PKHD1: variants seen among roughly 807,000 people sequenced by gnomAD.
PKHD1 encodes PKHD1 ciliary IPT domain containing fibrocystin/polyductin, also known as fibrocystin.
A neutral mutation model predicts 412.0 loss-of-function variants in PKHD1; 291 were observed. That is an observed-to-expected ratio of 0.71 (90% confidence interval 0.64 to 0.78). The LOEUF (loss-of-function observed/expected upper bound fraction) is 0.78, where lower values mean the gene tolerates loss of function less well. Ranked by LOEUF, PKHD1 falls within the 30% of genes least tolerant of loss-of-function variation. The probability of loss-of-function intolerance (pLI) is 0.00; values close to 1 mark genes in which losing one functional copy is unlikely to be tolerated. For missense variants in PKHD1, 4,825 were observed against 4,950.7 expected (o/e 0.97, Z 0.76); for synonymous variants, 1,777 against 1,821.5 (o/e 0.98, Z 0.62).
At chr6:52,041,104 T>C (rs1048744514) in intron 27 of PKHD1, among the ~76,000 whole-genome samples, 2 of 152,228 alleles carry the variant, frequency 1.3e-5, no homozygotes, top group Non-Finnish European at 2.9e-5. Context: ...GAAGAAAGTA[T>C]GTAAAGCAAA....
chr6:52,069,424 AGGGAAGGGGTACTT>A lies in PKHD1; in HGVS notation c.778+19_778+32del, dbSNP rs1359897589. 1.3e-6 allele frequency: 2 copies of A among 1,505,920 alleles called. No homozygotes were observed. Among genetic ancestry groups the A allele is most frequent in the Non-Finnish European group, 1.8e-6 (2 of 1,081,322 alleles). 93.3% of individuals were successfully genotyped at this position (1,505,920 alleles called of 1,614,324 possible). ...AGGGGCCAACATTGAGTGAGGCACA[AGGGAAGGGGTACTT>A]GGTGAAGGGGGATAGTACCTGAGTG... is the stretch of plus-strand genomic sequence containing the variant. On this transcript the variant is annotated intron_variant, in intron 11 of 66. Coordinates refer to ENST00000371117, the MANE Select transcript of PKHD1 (RefSeq NM_138694.4).
chr6:51,661,268 T>C (rs1325759940), intron 60 of PKHD1, among the ~76,000 whole-genome samples: 1 of 152,010 alleles, frequency 6.6e-6, no homozygotes, highest in African/African-American at 2.4e-5. Context: ...TAGATATAGA[T>C]ATATAGATAT....
In PKHD1 at chr6:51,976,944, T is replaced by TAAAAAAAAAAAAAAAAAAAA. The variant is rs10671492; in HGVS notation, c.5752-16938_5752-16919dup. ...GCCTGGGTGATAGAGTGAGACTCCA[T>TAAAAAAAAAAAAAAAAAAAA]AAAAAAAAAAAAAAAAAAAACCTGA... On this transcript the variant is annotated intron_variant, in intron 35 of 66. Transcript: ENST00000371117. 7.7e-4 allele frequency among the ~76,000 whole-genome samples: 72 copies of TAAAAAAAAAAAAAAAAAAAA among 93,506 alleles called. 2 individuals carry two copies. The highest frequency in any genetic ancestry group is 3.2e-3 in the African/African-American group (69 of 21,894). The allele number at this position is 93,506 out of a possible 152,430, so 61.3% of individuals were successfully genotyped here.
chr6:51,647,796 T>C (rs1770307236), intron 63 of PKHD1, among the ~76,000 whole-genome samples: 1 of 152,166 alleles, frequency 6.6e-6, no homozygotes, highest in African/African-American at 2.4e-5. Context: ...TTGGAAAGGT[T>C]GCTTTATTGT....
intron 50 of PKHD1, among the ~76,000 whole-genome samples, chr6:51,845,422 G>T (rs1770964791): frequency 6.6e-6 from 1 of 152,134 alleles, no homozygotes; most frequent in Non-Finnish European, 1.5e-5. Flanking sequence ...GATAAAGGAG[G>T]CACCAATGAC....
chr6:51,664,258 G>C (rs1003180164), intron 60 of PKHD1, among the ~76,000 whole-genome samples: 2 of 152,106 alleles, frequency 1.3e-5, no homozygotes, highest in Non-Finnish European at 2.9e-5. Flanking sequence ...CCACTATTCA[G>C]TCATGACACT....
intron 36 of PKHD1, among the ~76,000 whole-genome samples, chr6:51,944,439 T>C (rs1789115209): frequency 6.6e-6 from 1 of 152,132 alleles, no homozygotes. Context: ...AACACTAAGA[T>C]TGGTCTTTTG....
chr6:51,748,030 C>T lies in PKHD1; in HGVS notation c.9586G>A (p.Val3196Met). ...FSAPQNSVKK[V>M]QIVLRNSVIV... ...ACTGAATTCCTAAGCACAATCTGCA[C>T]TTTTTTGACGGAATTTTGTGGAGCA... is the stretch of plus-strand genomic sequence containing the variant. The change falls in exon 58 of 67, where the codon GTG (valine) becomes ATG (methionine). Residue 3196 changes from valine (V) to methionine (M), a missense_variant. Transcript: ENST00000371117. 1 of 1,614,070 alleles carries T rather than the reference C, an allele frequency of 6.2e-7. No homozygotes were observed. Among genetic ancestry groups the T allele is most frequent in the Non-Finnish European group, 8.5e-7 (1 of 1,179,974 alleles).
rs572492193 is a variant in PKHD1 at position 51,687,411 on chromosome 6, A to C, written c.10157-27442T>G. On this transcript the variant is annotated intron_variant, in intron 60 of 66. Transcript: ENST00000371117. ...GCTATATTGTATGCATTATATATAA[A>C]TGTTGACAACATGAAAGATAATTCC... 2.6e-5 allele frequency among the ~76,000 whole-genome samples: 4 copies of C among 152,344 alleles called. No homozygotes were observed. In the East Asian group the frequency reaches 7.7e-4, roughly 29 times the overall value.
intron 49 of PKHD1, among the ~76,000 whole-genome samples, chr6:51,852,324 T>A (rs1434795210): frequency 6.6e-6 from 1 of 152,218 alleles, no homozygotes; most frequent in Non-Finnish European, 1.5e-5. Flanking sequence ...CTTCCAATTA[T>A]GTGGTCGATT....
chr6:52,014,725 GA>G, intron 34 of PKHD1, among the ~76,000 whole-genome samples: 1 of 144,868 alleles, frequency 6.9e-6, no homozygotes, highest in South Asian at 2.4e-4. Context: ...TGGATGGATG[GA>G]TGGATGGATG....
chr6:52,069,403 G>T, intron 11 of PKHD1, 54 bp downstream of exon 11: 2 of 1,272,112 alleles, frequency 1.6e-6, no homozygotes, highest in South Asian at 1.2e-5. Context: ...GGAAGGAGGG[G>T]CCAACATTGA....
chr6:52,033,802 C>T (rs1803460994), intron 28 of PKHD1, among the ~76,000 whole-genome samples: 1 of 151,964 alleles, frequency 6.6e-6, no homozygotes, highest in Non-Finnish European at 1.5e-5. Flanking sequence ...TACGATGGAA[C>T]TTTTTTTAAA....
intron 37 of PKHD1, among the ~76,000 whole-genome samples, chr6:51,922,586 G>A (rs899248427): frequency 2.6e-5 from 4 of 152,198 alleles, no homozygotes; most frequent in African/African-American, 9.6e-5. Flanking sequence ...CTGAGCTGCG[G>A]TGGGCTCCAC....
chr6:52,065,859 T>C (rs1809614622), intron 12 of PKHD1, 117 bp downstream of exon 12: 6 of 708,168 alleles, frequency 8.5e-6, no homozygotes, highest in Admixed American at 4.1e-5. Context: ...TTATCAAACA[T>C]GATGAGTCAG....
chr6:51,994,491 A>C (rs1211543291), intron 35 of PKHD1, among the ~76,000 whole-genome samples: 1 of 152,176 alleles, frequency 6.6e-6, no homozygotes, highest in Non-Finnish European at 1.5e-5. Context: ...TACAGAATTC[A>C]CATTGGAACA....
At chr6:51,698,013 T>A (rs1050626582) in intron 60 of PKHD1, among the ~76,000 whole-genome samples, 1 of 152,210 alleles carries the variant, frequency 6.6e-6, no homozygotes, top group African/African-American at 2.4e-5. Flanking sequence ...AATTAAATCA[T>A]CCCTTTCTTA....
intron 27 of PKHD1, among the ~76,000 whole-genome samples, chr6:52,037,788 T>G (rs1029611740): frequency 2.6e-5 from 4 of 152,204 alleles, no homozygotes; most frequent in Admixed American, 1.3e-4. Context: ...TTATCAAAAT[T>G]TTTAATGCAA....
intron 35 of PKHD1, among the ~76,000 whole-genome samples, chr6:51,985,909 A>G (rs1453581880): frequency 6.6e-6 from 1 of 152,212 alleles, no homozygotes; most frequent in African/African-American, 2.4e-5. Flanking sequence ...TAGAAGTTAT[A>G]CAATGGAAAG....
Sources: gnomAD v4.1 joint callset for allele counts (sites outside exome capture counted in the v4.1 genomes callset) on GRCh38, gnomAD v4.1.1 for gene constraint, MANE v1.5 for transcripts, NCBI Gene and HGNC (gene_info 2026-07-23, HGNC 2026-07-21) for gene names.